OPCML: variants seen among roughly 807,000 people sequenced by gnomAD.
OPCML encodes opioid-binding protein/cell adhesion molecule.
Under a neutral mutation model 37.8 loss-of-function variants are expected in OPCML, and 13 were observed. That is an observed-to-expected ratio of 0.34 (90% CI 0.22 to 0.55). The LOEUF is 0.55. Among genes scored for constraint, OPCML ranks in the 20% least tolerant of loss-of-function variants. The probability of loss-of-function intolerance (pLI) is 0.91; values close to 1 mark genes in which losing one functional copy is unlikely to be tolerated. For synonymous variants in OPCML, 176 were observed against 168.8 expected (o/e 1.04, Z -0.33); for missense variants, 341 against 435.6 (o/e 0.78, Z 1.93).
intron 3 of OPCML, among the ~76,000 whole-genome samples, chr11:132,627,273 G>T (rs1591641887): frequency 6.6e-6 from 1 of 152,164 alleles, no homozygotes; most frequent in Non-Finnish European, 1.5e-5. Context: ...TAGGTGAAAT[G>T]TCAAACATCC....
chr11:133,428,439 C>G (rs917654553), intron 1 of OPCML, among the ~76,000 whole-genome samples: 18 of 152,044 alleles, frequency 1.2e-4, no homozygotes, highest in Non-Finnish European at 2.4e-4. Flanking sequence ...CCTTCAAAAA[C>G]CCAAGGAATA....
In OPCML at chr11:133,173,041, C is replaced by T. The variant is rs1007131735; in HGVS notation, c.62-230031G>A. Among the ~76,000 whole-genome samples the T allele has an allele frequency of 3.8e-4, 58 of 152,316 alleles. No homozygotes were observed. The highest frequency in any genetic ancestry group is 3.4e-3 in the Middle Eastern group (1 of 294). On this transcript the variant is annotated intron_variant, in intron 1 of 7. Coordinates refer to ENST00000524381, the MANE Select transcript of OPCML (RefSeq NM_001012393.5). This position sits in a 1 kb window ranked among gnomAD's most constrained non-coding sequence, Gnocchi z 7.8. ...TACATGGCTTAATAATCAAACATCA[C>T]TTGGACAATTCTGAACCAAAGTTAT...
At chr11:132,589,109 T>C (rs1236484533) in intron 3 of OPCML, among the ~76,000 whole-genome samples, 1 of 152,208 alleles carries the variant, frequency 6.6e-6, no homozygotes, top group African/African-American at 2.4e-5. Flanking sequence ...CCATCAGTTA[T>C]GAAAATTTGG....
chr11:132,711,935 T>A (rs1944278742), intron 2 of OPCML, among the ~76,000 whole-genome samples: 1 of 152,194 alleles, frequency 6.6e-6, no homozygotes, highest in East Asian at 1.9e-4. Context: ...AATATTCAAC[T>A]AAATAGAAAC....
At chr11:132,842,544 A>G (rs1179588783) in intron 2 of OPCML, among the ~76,000 whole-genome samples, 1 of 152,188 alleles carries the variant, frequency 6.6e-6, no homozygotes, top group Non-Finnish European at 1.5e-5. Context: ...CTAAGGGAAA[A>G]CCCTGCTGAC....
At chr11:132,569,953 A>G (rs986367692) in intron 3 of OPCML, among the ~76,000 whole-genome samples, 1 of 150,092 alleles carries the variant, frequency 6.7e-6, no homozygotes, top group African/African-American at 2.5e-5. Context: ...CATTCAGTGA[A>G]AAAAAAAAAC....
intron 1 of OPCML, among the ~76,000 whole-genome samples, chr11:133,524,177 CAG>C: frequency 6.6e-6 from 1 of 152,276 alleles, no homozygotes; most frequent in East Asian, 1.9e-4. Flanking sequence ...GTAGAGTATT[CAG>C]AGATGAATAA....
At chr11:133,225,200 A>AG (rs1939990650) in intron 1 of OPCML, among the ~76,000 whole-genome samples, 1 of 152,174 alleles carries the variant, frequency 6.6e-6, no homozygotes, top group Non-Finnish European at 1.5e-5. Context: ...TGGATGGAAA[A>AG]TATTCTTTGG....
At chr11:132,784,517 G>C (rs1253623851) in intron 2 of OPCML, among the ~76,000 whole-genome samples, 2 of 152,078 alleles carry the variant, frequency 1.3e-5, no homozygotes, top group Admixed American at 1.3e-4. Flanking sequence ...ACTTGCTCCA[G>C]CAAACTCCAA....
At chr11:132,646,813 C>A (rs1376628954) in intron 3 of OPCML, among the ~76,000 whole-genome samples, 1 of 151,916 alleles carries the variant, frequency 6.6e-6, no homozygotes, top group Non-Finnish European at 1.5e-5. Flanking sequence ...TAAGGGATAC[C>A]CAAGTTGAGG....
At chr11:132,959,838 C>A (rs368040954) in intron 1 of OPCML, among the ~76,000 whole-genome samples, 1 of 152,202 alleles carries the variant, frequency 6.6e-6, no homozygotes, top group Admixed American at 6.5e-5. Flanking sequence ...CAACCCAAAT[C>A]TGTCTCATCT....
At chr11:132,989,997 G>T (rs1390509304) in intron 1 of OPCML, among the ~76,000 whole-genome samples, 1 of 152,196 alleles carries the variant, frequency 6.6e-6, no homozygotes, top group Non-Finnish European at 1.5e-5. Context: ...GCAAGGGTAT[G>T]TGTGGATTAG....
chr11:133,121,433 G>A (rs1261376814), intron 1 of OPCML, among the ~76,000 whole-genome samples: 1 of 152,168 alleles, frequency 6.6e-6, no homozygotes, highest in Non-Finnish European at 1.5e-5. Context: ...GATATCCTCG[G>A]AATGTCCTGA....
chr11:133,152,277 G>A (rs1949997580), intron 1 of OPCML, among the ~76,000 whole-genome samples: 2 of 152,144 alleles, frequency 1.3e-5, no homozygotes, highest in Non-Finnish European at 2.9e-5. Context: ...GAAGAAAGCG[G>A]AAAAGAGTGT....
At chr11:133,157,187 C>T (rs949133247) in intron 1 of OPCML, among the ~76,000 whole-genome samples, 8 of 152,178 alleles carry the variant, frequency 5.3e-5, no homozygotes, top group African/African-American at 1.4e-4. Flanking sequence ...AAAAAGTCGG[C>T]GCGCACACGG....
At chr11:133,279,528 A>G (rs2136504027) in intron 1 of OPCML, among the ~76,000 whole-genome samples, 1 of 152,170 alleles carries the variant, frequency 6.6e-6, no homozygotes, top group East Asian at 1.9e-4. Flanking sequence ...TAGCAAACTC[A>G]CTACTTTGTT....
chr11:132,553,313 A>T (rs1591541233), intron 3 of OPCML, among the ~76,000 whole-genome samples: 1 of 152,224 alleles, frequency 6.6e-6, no homozygotes, highest in African/African-American at 2.4e-5. Flanking sequence ...AGAATCATGT[A>T]GGAAATAAAG....
At chr11:132,601,017 T>C (rs1446513954) in intron 3 of OPCML, among the ~76,000 whole-genome samples, 3 of 152,020 alleles carry the variant, frequency 2.0e-5, no homozygotes, top group Non-Finnish European at 2.9e-5. Flanking sequence ...ATCAAATTTG[T>C]TTTTCGATTG....
At chr11:132,951,879 T>G (rs1945868180) in intron 1 of OPCML, among the ~76,000 whole-genome samples, 1 of 152,248 alleles carries the variant, frequency 6.6e-6, no homozygotes, top group Non-Finnish European at 1.5e-5. Context: ...CTGTGGTTAT[T>G]AATAAGCTTT....
Sources: gnomAD v4.1 joint callset for allele counts (sites outside exome capture counted in the v4.1 genomes callset) on GRCh38, gnomAD v4.1.1 for gene constraint, Gnocchi (gnomAD v3.1) non-coding constraint, MANE v1.5 for transcripts, NCBI Gene and HGNC (gene_info 2026-07-23, HGNC 2026-07-21) for gene names.